Variants in HAPLN1 observed in about 807,000 individuals in gnomAD.
HAPLN1 encodes the protein hyaluronan and proteoglycan link protein 1.
A neutral mutation model predicts 36.5 loss-of-function variants in HAPLN1; 13 were observed. The ratio of observed to expected loss-of-function variants is 0.36; its 90% CI spans 0.23 to 0.57. The LOEUF is 0.57. Ranked by LOEUF, HAPLN1 falls within the 20% of genes least tolerant of loss-of-function variation. The probability of loss-of-function intolerance (pLI) is 0.83; values close to 1 mark genes in which losing one functional copy is unlikely to be tolerated. For missense variants in HAPLN1, 407 were observed against 439.7 expected (o/e 0.93, Z 0.66); for synonymous variants, 202 against 169.8 (o/e 1.19, Z -1.48).
rs1408897991 is a variant in HAPLN1, at chr5:83,637,906, G to C, written c.*3590C>G. The C allele has an allele frequency of 2.0e-5, 3 of 151,922 alleles. No individual in the cohort carries two copies. Among genetic ancestry groups the C allele is most frequent in the Non-Finnish European group, 4.4e-5 (3 of 67,884 alleles). 9.4% of individuals were successfully genotyped at this position (151,922 alleles called of 1,614,324 possible). ...AACAACACAATAGATTTCTGGGATT[G>C]CTGAACTGGTGGGCAAAATTAATTA... On this transcript the variant is annotated 3_prime_UTR_variant, in exon 5 of 5. Coordinates refer to ENST00000274341, the MANE Select transcript of HAPLN1 (RefSeq NM_001884.4).
At chr5:83,669,659 A>T (rs1177503383) in intron 2 of HAPLN1, among the ~76,000 whole-genome samples, 2 of 152,122 alleles carry the variant, frequency 1.3e-5, no homozygotes, top group Non-Finnish European at 2.9e-5. Flanking sequence ...AAAAGCATGA[A>T]TTTTTTTGAC....
At chr5:83,648,573 A>G (rs995944141) in intron 3 of HAPLN1, among the ~76,000 whole-genome samples, 2 of 151,414 alleles carry the variant, frequency 1.3e-5, no homozygotes, top group African/African-American at 4.9e-5. Flanking sequence ...TTTTCTAATT[A>G]GTAAAATTCT....
chr5:83,652,336 C>A (rs971875218), intron 3 of HAPLN1, 117 bp downstream of exon 3: 6 of 988,044 alleles, frequency 6.1e-6, no homozygotes, highest in Non-Finnish European at 8.9e-6. Context: ...AGATGCCAGG[C>A]AAGGACTTTG....
chr5:83,718,725 T>G (rs1237244080), intron 1 of HAPLN1, among the ~76,000 whole-genome samples: 2 of 152,208 alleles, frequency 1.3e-5, no homozygotes, highest in African/African-American at 4.8e-5. Flanking sequence ...ATCAAAATTA[T>G]TTTCAAATTT....
chr5:83,701,109 G>A (rs2112629225), intron 1 of HAPLN1, among the ~76,000 whole-genome samples: 2 of 152,352 alleles, frequency 1.3e-5, no homozygotes, highest in South Asian at 2.1e-4. Flanking sequence ...TATATGGATT[G>A]TAAAGCTAAT....
chr5:83,666,939 T>G (rs1039771291), intron 2 of HAPLN1, among the ~76,000 whole-genome samples: 1 of 152,116 alleles, frequency 6.6e-6, no homozygotes, highest in Admixed American at 6.6e-5. Flanking sequence ...GACAAGGACA[T>G]GGGCTAGCAA....
At chr5:83,703,028 T>C (rs1392575334) in intron 1 of HAPLN1, among the ~76,000 whole-genome samples, 3 of 152,192 alleles carry the variant, frequency 2.0e-5, no homozygotes, top group Non-Finnish European at 1.5e-5. Context: ...AATTTTCTTA[T>C]GCCATGCCTG....
intron 2 of HAPLN1, among the ~76,000 whole-genome samples, chr5:83,662,555 T>G (rs1292924856): frequency 6.6e-6 from 1 of 152,184 alleles, no homozygotes; most frequent in Non-Finnish European, 1.5e-5. Context: ...GAAAATGAAA[T>G]AAAATTAGAA....
chr5:83,657,993 C>T lies in HAPLN1; in HGVS notation c.101-5169G>A, dbSNP rs182780948. 9.1e-4 allele frequency among the ~76,000 whole-genome samples: 138 copies of T among 152,084 alleles called. 1 individual carries two copies. Among genetic ancestry groups the T allele is most frequent in the South Asian group, 2.5e-3 (12 of 4,820 alleles). Reference sequence around the variant, plus strand: ...GCCATTAATTACTTTCACCTTGTTGCGCAACCATCACCACTACCCCTTTCC... The same window carrying T: ...GCCATTAATTACTTTCACCTTGTTGTGCAACCATCACCACTACCCCTTTCC... On this transcript the variant is annotated intron_variant, in intron 2 of 4. Coordinates refer to ENST00000274341, the MANE Select transcript of HAPLN1 (RefSeq NM_001884.4).
intron 1 of HAPLN1, among the ~76,000 whole-genome samples, chr5:83,705,600 C>T (rs779232522): frequency 6.6e-6 from 1 of 152,030 alleles, no homozygotes; most frequent in Non-Finnish European, 1.5e-5. Flanking sequence ...AGTCATAGCA[C>T]TAATTTCTCA....
At chr5:83,703,787 C>T (rs368463634) in intron 1 of HAPLN1, among the ~76,000 whole-genome samples, 2 of 152,024 alleles carry the variant, frequency 1.3e-5, no homozygotes, top group Admixed American at 1.3e-4. Context: ...GGATATCATC[C>T]TAGAATCTAG....
At chr5:83,705,349 C>A (rs1751614454) in intron 1 of HAPLN1, among the ~76,000 whole-genome samples, 1 of 132,498 alleles carries the variant, frequency 7.5e-6, no homozygotes, top group South Asian at 2.4e-4. Context: ...GAGATCGCAC[C>A]ATTACACTCC....
At chr5:83,714,914 G>T (rs2112641943) in intron 1 of HAPLN1, among the ~76,000 whole-genome samples, 1 of 152,230 alleles carries the variant, frequency 6.6e-6, no homozygotes, top group Non-Finnish European at 1.5e-5. Context: ...ATGGATGTTG[G>T]ATGCCCCTTG....
intron 4 of HAPLN1, among the ~76,000 whole-genome samples, chr5:83,642,944 A>G (rs1190838546): frequency 1.3e-5 from 2 of 152,224 alleles, no homozygotes; most frequent in Admixed American, 1.3e-4. Flanking sequence ...TTTTTGTGCT[A>G]CAACATACAC....
chr5:83,716,624 A>G (rs146717288), intron 1 of HAPLN1, among the ~76,000 whole-genome samples: 1 of 152,236 alleles, frequency 6.6e-6, no homozygotes, highest in Non-Finnish European at 1.5e-5. Context: ...CAATATAACT[A>G]TAAGCATCAG....
chr5:83,704,496 C>A (rs1447853045), intron 1 of HAPLN1, among the ~76,000 whole-genome samples: 1 of 152,082 alleles, frequency 6.6e-6, no homozygotes, highest in Non-Finnish European at 1.5e-5. Context: ...TGGTATGCTG[C>A]CTTCAAGAGA....
At chr5:83,645,475 C>CTTTCTTTTTTTTTTTTTTTTTTTTTT (rs1428903218) in intron 3 of HAPLN1, among the ~76,000 whole-genome samples, 1 of 74,370 alleles carries the variant, frequency 1.3e-5, no homozygotes. Context: ...CTTTTTCTTT[C>CTTTCTTTTTTTTTTTTTTTTTTTTTT]TTTTTTTTTT....
intron 1 of HAPLN1, among the ~76,000 whole-genome samples, chr5:83,708,647 C>A (rs1016233982): frequency 3.3e-5 from 5 of 152,048 alleles, no homozygotes; most frequent in Non-Finnish European, 5.9e-5. Flanking sequence ...ATAATCTGTA[C>A]AACTAACCCC....
chr5:83,683,631 A>G (rs183111183), intron 1 of HAPLN1, among the ~76,000 whole-genome samples: 1 of 152,292 alleles, frequency 6.6e-6, no homozygotes, highest in Admixed American at 6.5e-5. Flanking sequence ...TGGATGATGA[A>G]GTGTAATCCT....
Sources: allele counts gnomAD v4.1 joint callset (sites outside exome capture counted in the v4.1 genomes callset), GRCh38; gene constraint gnomAD v4.1.1; transcripts MANE v1.5; gene names NCBI Gene and HGNC (gene_info 2026-07-23, HGNC 2026-07-21).